CYSLTR2: variants seen among roughly 807,000 people sequenced by gnomAD.
CYSLTR2 encodes the protein cysteinyl leukotriene receptor 2, also known as G-protein coupled receptor GPCR21.
For synonymous variants in CYSLTR2, 179 were observed against 160.8 expected, an observed-to-expected ratio of 1.11 and a Z score of -0.86; for missense variants, 398 against 411.9, an observed-to-expected ratio of 0.97 and a Z score of 0.29.
intron 3 of CYSLTR2, among the ~76,000 whole-genome samples, chr13:48,695,001 A>G (rs1954132665): frequency 6.6e-6 from 1 of 151,468 alleles, no homozygotes; most frequent in Non-Finnish European, 1.5e-5. Flanking sequence ...AAAAAAATAG[A>G]AAAATCTCTT....
chr13:48,709,817 G>C lies in CYSLTR2; in HGVS notation c.*1959G>C, dbSNP rs1954594097. 1 of 152,212 alleles carries C rather than the reference G, an allele frequency of 6.6e-6. No individual in the cohort carries two copies. The highest frequency in any genetic ancestry group is 6.5e-5 in the Admixed American group (1 of 15,276). The allele number at this position is 152,212 out of a possible 1,614,324, so 9.4% of individuals were successfully genotyped here. ...AATCCAACGCAGGAGAAAGTGAAGA[G>C]AATTCCCAGGATGTTGGTGTGTAGC... On this transcript the variant is annotated 3_prime_UTR_variant, in exon 5 of 5. Coordinates refer to ENST00000682523, the MANE Select transcript of CYSLTR2 (RefSeq NM_001308476.3).
At chr13:48,704,382 A>G (rs2138998422) in intron 4 of CYSLTR2, among the ~76,000 whole-genome samples, 1 of 152,308 alleles carries the variant, frequency 6.6e-6, no homozygotes, top group East Asian at 1.9e-4. Context: ...ATAGCTGGGC[A>G]TGGTGGCATG....
At chr13:48,667,522 T>C (rs947791477) in intron 1 of CYSLTR2, among the ~76,000 whole-genome samples, 5 of 152,174 alleles carry the variant, frequency 3.3e-5, no homozygotes, top group Non-Finnish European at 5.9e-5. Context: ...TCAGAACGTC[T>C]GCTTGGCTTG....
intron 1 of CYSLTR2, among the ~76,000 whole-genome samples, chr13:48,680,800 C>CTTTTTTTTTTTTTTTTTTTTTTTTTTTT (rs139896583): frequency 4.0e-4 from 22 of 55,034 alleles, no homozygotes; most frequent in East Asian, 1.2e-3. Flanking sequence ...CTTTTCTTTT[C>CTTTTTTTTTTTTTTTTTTTTTTTTTTTT]TTTTTTTTTT....
At chr13:48,677,957 C>G (rs9595959) in intron 1 of CYSLTR2, among the ~76,000 whole-genome samples, 6 of 151,364 alleles carry the variant, frequency 4.0e-5, no homozygotes, top group Non-Finnish European at 7.4e-5. Flanking sequence ...CTGCAACCTC[C>G]GCCTTCAGGG....
chr13:48,674,238 C>T (rs1365607546), intron 1 of CYSLTR2, among the ~76,000 whole-genome samples: 1 of 152,204 alleles, frequency 6.6e-6, no homozygotes, highest in Non-Finnish European at 1.5e-5. Flanking sequence ...GATCCATTCT[C>T]CCCGTCACTT....
chr13:48,684,207 G>A (rs1204023330), intron 1 of CYSLTR2, among the ~76,000 whole-genome samples: 2 of 152,074 alleles, frequency 1.3e-5, no homozygotes, highest in African/African-American at 2.4e-5. Context: ...GGGATGACAG[G>A]TCCATAGTCC....
At chr13:48,659,545 T>A (rs1320560682) in intron 1 of CYSLTR2, among the ~76,000 whole-genome samples, 2 of 152,226 alleles carry the variant, frequency 1.3e-5, no homozygotes, top group Non-Finnish European at 1.5e-5. Context: ...AAATGCTGTC[T>A]AGGGGAAATG....
chr13:48,666,024 A>G (rs1031400675), intron 1 of CYSLTR2, among the ~76,000 whole-genome samples: 1 of 152,154 alleles, frequency 6.6e-6, no homozygotes, highest in African/African-American at 2.4e-5. Context: ...GTTTTCATGA[A>G]AATGGTTATC....
At chr13:48,685,967 G>GT (rs1425573051) in intron 1 of CYSLTR2, among the ~76,000 whole-genome samples, 1 of 152,168 alleles carries the variant, frequency 6.6e-6, no homozygotes, top group Non-Finnish European at 1.5e-5. Flanking sequence ...CAAGAGGGGC[G>GT]TATTAGAGCT....
chr13:48,656,375 G>A (rs145657731), intron 1 of CYSLTR2, among the ~76,000 whole-genome samples: 3 of 152,254 alleles, frequency 2.0e-5, no homozygotes, highest in African/African-American at 7.2e-5. Flanking sequence ...CTCTTCACAT[G>A]TGTTGGGCAC....
At chr13:48,683,412 A>C (rs893091289) in intron 1 of CYSLTR2, among the ~76,000 whole-genome samples, 1 of 152,150 alleles carries the variant, frequency 6.6e-6, no homozygotes, top group African/African-American at 2.4e-5. Flanking sequence ...ACTTTTTAAT[A>C]ATAGCCATTC....
At chr13:48,688,403 C>T (rs1953950769) in intron 1 of CYSLTR2, among the ~76,000 whole-genome samples, 1 of 152,164 alleles carries the variant, frequency 6.6e-6, no homozygotes. Context: ...GCTATCCGTC[C>T]TCTAGCCACC....
At chr13:48,659,465 A>G (rs1459749431) in intron 1 of CYSLTR2, among the ~76,000 whole-genome samples, 1 of 152,220 alleles carries the variant, frequency 6.6e-6, no homozygotes, top group Non-Finnish European at 1.5e-5. Context: ...GGAAATACAC[A>G]TGATGTTTAA....
intron 4 of CYSLTR2, among the ~76,000 whole-genome samples, chr13:48,701,966 G>A (rs1954360584): frequency 6.6e-6 from 1 of 152,130 alleles, no homozygotes; most frequent in South Asian, 2.1e-4. Flanking sequence ...GCACACGTAT[G>A]TTTATTGTGG....
intron 4 of CYSLTR2, among the ~76,000 whole-genome samples, chr13:48,704,950 T>C (rs1954443081): frequency 6.6e-6 from 1 of 152,246 alleles, no homozygotes; most frequent in Non-Finnish European, 1.5e-5. Context: ...TACATGTCAA[T>C]TTGATCCTGT....
intron 4 of CYSLTR2, among the ~76,000 whole-genome samples, chr13:48,698,121 C>A (rs1216376677): frequency 6.6e-6 from 1 of 152,158 alleles, no homozygotes; most frequent in Non-Finnish European, 1.5e-5. Flanking sequence ...AGGAGAACTT[C>A]CCCAACCTAG....
intron 1 of CYSLTR2, among the ~76,000 whole-genome samples, chr13:48,689,808 T>C (rs915105953): frequency 6.6e-6 from 1 of 152,220 alleles, no homozygotes; most frequent in African/African-American, 2.4e-5. Context: ...AATAGTAGCT[T>C]GATGGGCATA....
At chr13:48,665,543 C>A (rs1047478399) in intron 1 of CYSLTR2, among the ~76,000 whole-genome samples, 1 of 151,984 alleles carries the variant, frequency 6.6e-6, no homozygotes, top group Non-Finnish European at 1.5e-5. Context: ...GTGAATTCAT[C>A]TTTCTATTAT....
Sources: gnomAD v4.1 joint callset for allele counts (sites outside exome capture counted in the v4.1 genomes callset) on GRCh38, gnomAD v4.1.1 for gene constraint, MANE v1.5 for transcripts, NCBI Gene and HGNC (gene_info 2026-07-23, HGNC 2026-07-21) for gene names.